The following DZIP3 variants were observed in gnomAD, a reference collection of about 807,000 sequenced individuals.
The protein encoded by DZIP3 is DAZ interacting zinc finger protein 3.
DZIP3 carries 118 observed loss-of-function variants against 162.0 expected under a neutral mutation model. The ratio of observed to expected loss-of-function variants is 0.73; its 90% CI spans 0.63 to 0.85. The LOEUF is 0.85. Among genes scored for constraint, DZIP3 ranks in the 40% least tolerant of loss-of-function variants. The pLI, the probability that DZIP3 is intolerant of heterozygous loss-of-function variation, is 0.00. For missense variants in DZIP3, 1,331 were observed against 1,407.0 expected (o/e 0.95, Z 0.86); for synonymous variants, 438 against 458.6 (o/e 0.96, Z 0.57).
intron 1 of DZIP3, among the ~76,000 whole-genome samples, chr3:108,597,038 CA>C (rs1308886663): frequency 4.6e-5 from 7 of 152,170 alleles, no homozygotes; most frequent in Non-Finnish European, 8.8e-5. Flanking sequence ...ACCCCTTATG[CA>C]GAGTCAGGAA....
rs1310498795 is a variant in DZIP3, at chr3:108,633,336, T to C, written c.816+264T>C. On this transcript the variant is annotated intron_variant, in intron 9 of 32. Transcript: ENST00000361582. ...TAAGATTCACATGCATCTGAAGTTATAAGTATTATTCCTGCAGTCAGTCAT... is the reference window on the plus strand; with the variant it reads ...TAAGATTCACATGCATCTGAAGTTACAAGTATTATTCCTGCAGTCAGTCAT... Among the ~76,000 whole-genome samples, 4 of 151,932 alleles carry C rather than the reference T, an allele frequency of 2.6e-5. No individual in the cohort carries two copies. The East Asian group carries it at 7.7e-4, about 29-fold the overall frequency.
chr3:108,647,982 T>C lies in DZIP3; in HGVS notation c.1832T>C (p.Leu611Pro), dbSNP rs774226920. The change falls in exon 16 of 33, where the codon CTA becomes CCA. Residue 611 changes from leucine (L) to proline (P), a missense_variant. Physicochemically the swap from Leu to Pro is moderately conservative, Grantham distance 98 (BLOSUM62 -3). This residue lies in a region of DZIP3 where 1,278 missense variants were observed against 1,317.1 expected (regional missense o/e 0.97). Coordinates refer to ENST00000361582, the MANE Select transcript of DZIP3 (RefSeq NM_014648.4). ...GAGTTACAGAATGAGGAAGAAGAAC[T>C]AAGTCCACCTCTCATGGAGTACAAT... ...IEELQNEEEE[L>P]SPPLMEYNIN... 3 of 1,589,206 alleles carry C rather than the reference T, an allele frequency of 1.9e-6. No homozygotes were observed. Among genetic ancestry groups the C allele is most frequent in the South Asian group, 2.3e-5 (2 of 85,502 alleles).
At chr3:108,690,089 T>C (rs73850579) in intron 31 of DZIP3, among the ~76,000 whole-genome samples, 1 of 152,346 alleles carries the variant, frequency 6.6e-6, no homozygotes, top group African/African-American at 2.4e-5. Flanking sequence ...AGGAAATACA[T>C]GTTTAACAAA....
At chr3:108,637,692 C>G (rs3112024) in intron 12 of DZIP3, 144 bp downstream of exon 12, 338,913 of 557,666 alleles carry the variant, frequency 0.61, 104,399 homozygotes, top group African/African-American at 0.76. Context: ...ATTGCCATTT[C>G]TTTCCCTCTC....
chr3:108,656,980 T>G (rs941530671), intron 19 of DZIP3, among the ~76,000 whole-genome samples: 22 of 152,232 alleles, frequency 1.4e-4, no homozygotes, highest in Admixed American at 2.6e-4. Context: ...AATATGGGAC[T>G]ATGTGAAAAG....
chr3:108,625,916 C>T lies in DZIP3; in HGVS notation c.528C>T (p.Asn176=). 6.2e-7 allele frequency: 1 copy of T among 1,613,144 alleles called. No individual in the cohort carries two copies. ...MMIQENEICE[N]FMSLVYFGRG... ...TCCAAGAAAATGAAATTTGTGAAAACTTTATGTCTTTAGTTTATTTTGGAC... is the reference window on the plus strand; with the variant it reads ...TCCAAGAAAATGAAATTTGTGAAAATTTTATGTCTTTAGTTTATTTTGGAC... Residue 176 remains asparagine, a synonymous_variant, in exon 7 of 33, where the codon AAC becomes AAT. Transcript: ENST00000361582.
At chr3:108,658,990 C>A (rs1943284036) in intron 19 of DZIP3, among the ~76,000 whole-genome samples, 1 of 152,198 alleles carries the variant, frequency 6.6e-6, no homozygotes, top group East Asian at 1.9e-4. Context: ...GAAATTGAGG[C>A]AATAATTAAT....
intron 19 of DZIP3, among the ~76,000 whole-genome samples, chr3:108,658,548 A>G (rs1943256038): frequency 6.6e-6 from 1 of 152,210 alleles, no homozygotes; most frequent in African/African-American, 2.4e-5. Flanking sequence ...GGAAAGATCT[A>G]AAATTGACAC....
At chr3:108,676,882 A>C (rs772855473) in intron 25 of DZIP3, among the ~76,000 whole-genome samples, 1 of 152,104 alleles carries the variant, frequency 6.6e-6, no homozygotes, top group Non-Finnish European at 1.5e-5. Flanking sequence ...TTTACAAAAT[A>C]ATATGGTAAG....
At chr3:108,656,996 A>G (rs554028095) in intron 19 of DZIP3, among the ~76,000 whole-genome samples, 2,082 of 152,352 alleles carry the variant, frequency 0.014, 63 homozygotes, top group African/African-American at 0.047. Context: ...AAAAGACCAA[A>G]TCTACGTCTG....
intron 9 of DZIP3, among the ~76,000 whole-genome samples, chr3:108,634,588 C>T (rs534860167): frequency 1.2e-4 from 18 of 152,144 alleles, no homozygotes; most frequent in Non-Finnish European, 1.5e-4. Context: ...TCTGTAGACA[C>T]ACTCACTGGG....
intron 17 of DZIP3, among the ~76,000 whole-genome samples, chr3:108,650,301 A>G (rs564917109): frequency 1.3e-5 from 2 of 151,934 alleles, no homozygotes; most frequent in East Asian, 1.9e-4. Context: ...ATTCAAGTAC[A>G]CTAGAGCAAA....
intron 21 of DZIP3, among the ~76,000 whole-genome samples, chr3:108,663,436 G>A (rs1576440780): frequency 6.6e-6 from 1 of 151,660 alleles, no homozygotes; most frequent in African/African-American, 2.4e-5. Flanking sequence ...CATGCCTGTA[G>A]TCCCAGCTAC....
chr3:108,657,301 T>C (rs1428468522), intron 19 of DZIP3, among the ~76,000 whole-genome samples: 4 of 152,060 alleles, frequency 2.6e-5, no homozygotes, highest in Non-Finnish European at 5.9e-5. Flanking sequence ...TGGCAGAAAC[T>C]CTACAAGCCA....
chr3:108,643,894 A>G (rs951085091), intron 13 of DZIP3, among the ~76,000 whole-genome samples: 3 of 152,122 alleles, frequency 2.0e-5, no homozygotes, highest in Admixed American at 6.5e-5. Flanking sequence ...AAGGTCATTT[A>G]CTTGAACAAA....
At chr3:108,663,386 A>G (rs967894478) in intron 21 of DZIP3, among the ~76,000 whole-genome samples, 3 of 152,062 alleles carry the variant, frequency 2.0e-5, no homozygotes, top group East Asian at 3.9e-4. Context: ...GAAAAACCCC[A>G]TCTCTACTAA....
chr3:108,633,575 C>T (rs1331210346), intron 9 of DZIP3, among the ~76,000 whole-genome samples: 9 of 151,480 alleles, frequency 5.9e-5, no homozygotes, highest in African/African-American at 2.2e-4. Flanking sequence ...TGATAGATCT[C>T]TCTCTCTGGA....
At chr3:108,687,547 A>G (rs1021471889) in intron 28 of DZIP3, among the ~76,000 whole-genome samples, 1 of 152,166 alleles carries the variant, frequency 6.6e-6, no homozygotes, top group African/African-American at 2.4e-5. Flanking sequence ...CGAAAGTACA[A>G]CTATTAACAC....
At position 108,651,155 on chromosome 3, in the gene DZIP3, G is replaced by T; in HGVS notation, c.2026G>T (p.Asp676Tyr). ...KNKKNKDSKE[D>Y]QVPYVVEKEE... The stretch of plus-strand genomic sequence containing the variant: ...TTTTCAGAATAAAGACTCAAAAGAA[G>T]ACCAAGTGTAAGTATTAGTTTATTT... Residue 676 changes from aspartate to tyrosine, a missense_variant, in exon 18 of 33, where the codon GAC becomes TAC. Transcript: ENST00000361582. The T allele has an allele frequency of 1.3e-6, 1 of 753,298 alleles. No individual in the cohort carries two copies. The highest frequency in any genetic ancestry group is 2.1e-5 in the South Asian group (1 of 48,692). The allele number at this position is 753,298 out of a possible 1,614,324, so 46.7% of individuals were successfully genotyped here. A position where few individuals can be genotyped will look rare whatever the true frequency, so the allele number is the denominator to read the frequency against.
Sources: allele counts gnomAD v4.1 joint callset (sites outside exome capture counted in the v4.1 genomes callset), GRCh38; gene constraint gnomAD v4.1.1; regional missense constraint gnomAD v4.1.1; transcripts MANE v1.5; gene names NCBI Gene and HGNC (gene_info 2026-07-23, HGNC 2026-07-21).